The following SNTG1 variants were observed in gnomAD, a reference collection of about 807,000 sequenced individuals.
SNTG1 encodes the protein syntrophin gamma 1, also known as gamma-1-syntrophin.
A neutral mutation model predicts 74.7 loss-of-function variants in SNTG1; 39 were observed. The observed-to-expected ratio is 0.52, with a 90% CI of 0.40 to 0.68. The LOEUF (loss-of-function observed/expected upper bound fraction) is 0.68, where lower values mean the gene tolerates loss of function less well. Among genes scored for constraint, SNTG1 ranks in the 30% least tolerant of loss-of-function variants. The pLI is 0.00. For synonymous variants in SNTG1, 254 were observed against 217.1 expected (o/e 1.17, Z -1.49); for missense variants, 685 against 609.5 (o/e 1.12, Z -1.30).
chr8:50,523,407 C>T (rs1176164198), intron 9 of SNTG1, among the ~76,000 whole-genome samples: 3 of 152,118 alleles, frequency 2.0e-5, no homozygotes, highest in Non-Finnish European at 4.4e-5. Flanking sequence ...CTTCACTAGG[C>T]TTTTTCTTTT....
intron 1 of SNTG1, among the ~76,000 whole-genome samples, chr8:50,054,253 A>T (rs1819838120): frequency 6.6e-6 from 1 of 151,982 alleles, no homozygotes; most frequent in Non-Finnish European, 1.5e-5. Flanking sequence ...TCAGCAAATG[A>T]TGTCATCATT....
At chr8:50,098,688 G>T (rs1201043150) in intron 1 of SNTG1, among the ~76,000 whole-genome samples, 2 of 152,070 alleles carry the variant, frequency 1.3e-5, no homozygotes, top group Non-Finnish European at 2.9e-5. Context: ...ATTTCATAAT[G>T]AGATCCATAT....
chr8:50,364,677 C>T lies in SNTG1; in HGVS notation c.-27-29535C>T, dbSNP rs57230348. On this transcript the variant is annotated intron_variant, in intron 2 of 18. Coordinates refer to ENST00000642720, the MANE Select transcript of SNTG1 (RefSeq NM_018967.5). ...TTAATATGAATAATTCATTCATATT[C>T]AAGATCAATACCTCCATCTGCTTTC... is the stretch of plus-strand genomic sequence containing the variant. 3.5e-3 allele frequency among the ~76,000 whole-genome samples: 536 copies of T among 152,070 alleles called. 4 individuals carry two copies. Among genetic ancestry groups the T allele is most frequent in the African/African-American group, 0.012 (518 of 41,524 alleles).
At chr8:49,976,467 T>C (rs1010387704) in intron 1 of SNTG1, among the ~76,000 whole-genome samples, 1 of 152,156 alleles carries the variant, frequency 6.6e-6, no homozygotes, top group Non-Finnish European at 1.5e-5. Context: ...GAAACTTTCA[T>C]TGGAGTGTTT....
chr8:50,636,346 C>T (rs2095039150), intron 13 of SNTG1, among the ~76,000 whole-genome samples: 1 of 151,918 alleles, frequency 6.6e-6, no homozygotes, highest in Non-Finnish European at 1.5e-5. Context: ...AGCAGAGCAC[C>T]AGGACTTGCC....
At chr8:50,012,797 A>C (rs1045162468) in intron 1 of SNTG1, among the ~76,000 whole-genome samples, 1 of 152,140 alleles carries the variant, frequency 6.6e-6, no homozygotes, top group Non-Finnish European at 1.5e-5. Flanking sequence ...AAATGGGTTT[A>C]GGATGGACTA....
chr8:50,737,855 A>G (rs1361390186), intron 17 of SNTG1, among the ~76,000 whole-genome samples: 2 of 152,138 alleles, frequency 1.3e-5, no homozygotes, highest in East Asian at 3.9e-4. Flanking sequence ...AATAAAATTC[A>G]ACACCCTTCA....
intron 8 of SNTG1, among the ~76,000 whole-genome samples, chr8:50,454,525 AAACAAC>A (rs1027109724): frequency 2.0e-4 from 30 of 150,494 alleles, no homozygotes; most frequent in African/African-American, 7.1e-4. Context: ...AAACAAAACA[AAACAAC>A]AACAACAAAA....
intron 2 of SNTG1, among the ~76,000 whole-genome samples, chr8:50,218,344 T>A (rs1455835703): frequency 6.6e-6 from 1 of 152,080 alleles, no homozygotes; most frequent in Non-Finnish European, 1.5e-5. Context: ...AGAAAAAAAA[T>A]TTAAATGCTC....
rs182794817 is a variant in SNTG1, at chr8:50,698,929, C to A, written c.1039-5671C>A. On this transcript the variant is annotated intron_variant, in intron 15 of 18. Coordinates refer to ENST00000642720, the MANE Select transcript of SNTG1 (RefSeq NM_018967.5). Reference sequence around the variant, plus strand: ...TACTCTCTTCTCATTTTCAGCCAGTCCCACAGCCACACAGGCTGACTGTTC... The same window carrying A: ...TACTCTCTTCTCATTTTCAGCCAGTACCACAGCCACACAGGCTGACTGTTC... Among the ~76,000 whole-genome samples the A allele has an allele frequency of 1.8e-4, 27 of 152,252 alleles. 1 individual carries two copies. In the East Asian group the frequency reaches 5.0e-3, roughly 28 times the overall value.
chr8:50,485,029 G>A (rs2093778403), intron 8 of SNTG1, among the ~76,000 whole-genome samples: 1 of 152,122 alleles, frequency 6.6e-6, no homozygotes, highest in Admixed American at 6.6e-5. Flanking sequence ...GAAGGTGGAG[G>A]GACATTCAAC....
chr8:50,691,542 A>C (rs1012872151), intron 15 of SNTG1, among the ~76,000 whole-genome samples: 2 of 152,190 alleles, frequency 1.3e-5, no homozygotes, highest in Non-Finnish European at 2.9e-5. Context: ...TTCTGGGTTG[A>C]AAATTCTTTT....
intron 1 of SNTG1, among the ~76,000 whole-genome samples, chr8:50,052,199 TTACTG>T (rs1819635471): frequency 6.6e-6 from 1 of 152,092 alleles, no homozygotes; most frequent in South Asian, 2.1e-4. Flanking sequence ...TATAATCTGA[TTACTG>T]TAATGTAATA....
intron 2 of SNTG1, among the ~76,000 whole-genome samples, chr8:50,186,095 G>A (rs1425941746): frequency 6.6e-6 from 1 of 152,118 alleles, no homozygotes; most frequent in East Asian, 1.9e-4. Flanking sequence ...AGAACATGCA[G>A]TGTTTGGTTT....
At position 50,305,522 on chromosome 8, in the gene SNTG1, T is replaced by TTG. The variant is rs1218886958; in HGVS notation, c.-27-88689_-27-88688insGT. ...CTGTGGATGTTTGGTTTGTTTGTGC[T>TTG]TATGTGTGTGTGTGTGTGTGTGTGT... On this transcript the variant is annotated intron_variant, in intron 2 of 18. Transcript: ENST00000642720. 8.5e-5 allele frequency among the ~76,000 whole-genome samples: 5 copies of TTG among 59,082 alleles called. No homozygotes were observed. In the South Asian group the frequency reaches 2.7e-3, roughly 31 times the overall value. 38.8% of individuals were successfully genotyped at this position (59,082 alleles called of 152,430 possible).
intron 9 of SNTG1, among the ~76,000 whole-genome samples, chr8:50,506,265 G>C (rs879279617): frequency 2.0e-5 from 3 of 151,958 alleles, no homozygotes; most frequent in Non-Finnish European, 4.4e-5. Flanking sequence ...AATGTATCTT[G>C]AGTTCAGAAA....
intron 1 of SNTG1, among the ~76,000 whole-genome samples, chr8:50,045,416 A>G (rs1048967123): frequency 1.3e-5 from 2 of 152,146 alleles, no homozygotes; most frequent in African/African-American, 2.4e-5. Context: ...TAAACAACCA[A>G]TCTCATGAAG....
At chr8:50,716,661 C>A (rs1432238336) in intron 17 of SNTG1, among the ~76,000 whole-genome samples, 2 of 150,506 alleles carry the variant, frequency 1.3e-5, no homozygotes, top group Non-Finnish European at 1.5e-5. Flanking sequence ...GAATGACATT[C>A]AAAAAAACCC....
At chr8:50,612,679 A>G (rs2094858853) in intron 13 of SNTG1, among the ~76,000 whole-genome samples, 1 of 152,172 alleles carries the variant, frequency 6.6e-6, no homozygotes, top group African/African-American at 2.4e-5. Flanking sequence ...TACTATGTAT[A>G]TCTGACTTAT....
Sources: allele counts gnomAD v4.1 joint callset (sites outside exome capture counted in the v4.1 genomes callset), GRCh38; gene constraint gnomAD v4.1.1; transcripts MANE v1.5; gene names NCBI Gene and HGNC (gene_info 2026-07-23, HGNC 2026-07-21).